The following CPS1 variants were observed in gnomAD, a reference collection of about 807,000 sequenced individuals.
The protein encoded by CPS1 is carbamoyl-phosphate synthase [ammonia], mitochondrial.
Under a neutral mutation model 174.6 loss-of-function variants are expected in CPS1, and 109 were observed. The ratio of observed to expected loss-of-function variants is 0.62; its 90% confidence interval spans 0.53 to 0.73. The LOEUF is 0.73. CPS1 is among the 30% of genes least tolerant of loss of function. The probability of loss-of-function intolerance (pLI) is 0.00; values close to 1 mark genes in which losing one functional copy is unlikely to be tolerated. For missense variants in CPS1, 1,689 were observed against 1,821.9 expected, an observed-to-expected ratio of 0.93 and a Z score of 1.33; for synonymous variants, 637 against 632.0, an observed-to-expected ratio of 1.01 and a Z score of -0.12.
intron 1 of CPS1, among the ~76,000 whole-genome samples, chr2:210,510,059 G>A (rs1307350285): frequency 5.9e-5 from 9 of 152,040 alleles, no homozygotes; most frequent in South Asian, 4.1e-4. Flanking sequence ...AAAAGAGCCC[G>A]CATCGCCAAG....
At chr2:210,482,412 C>A (rs1694595083) in intron 1 of CPS1, among the ~76,000 whole-genome samples, 1 of 151,942 alleles carries the variant, frequency 6.6e-6, no homozygotes. Context: ...CAGCAATTCT[C>A]CCACCGCAGC....
chr2:210,651,742 T>A (rs569570798), intron 28 of CPS1, among the ~76,000 whole-genome samples: 1 of 152,298 alleles, frequency 6.6e-6, no homozygotes, highest in South Asian at 2.1e-4. Context: ...ATGTTCCCTA[T>A]CAAACTACAG....
At chr2:210,608,098 T>C (rs1698984052) in intron 18 of CPS1, among the ~76,000 whole-genome samples, 1 of 151,914 alleles carries the variant, frequency 6.6e-6, no homozygotes, top group African/African-American at 2.4e-5. Context: ...GATTTTGGGT[T>C]GAAGAGGTGA....
intron 24 of CPS1, among the ~76,000 whole-genome samples, chr2:210,642,086 C>T (rs1163961437): frequency 6.6e-6 from 1 of 152,194 alleles, no homozygotes; most frequent in African/African-American, 2.4e-5. Context: ...GAAAAAAGAG[C>T]ACAGGTATCC....
chr2:210,601,412 G>A (rs1698722085), intron 15 of CPS1, among the ~76,000 whole-genome samples: 1 of 151,950 alleles, frequency 6.6e-6, no homozygotes, highest in African/African-American at 2.4e-5. Context: ...AGCAGGTACT[G>A]CTGGGACAAC....
intron 17 of CPS1, among the ~76,000 whole-genome samples, chr2:210,606,487 G>A (rs1000397257): frequency 6.6e-6 from 1 of 151,822 alleles, no homozygotes; most frequent in African/African-American, 2.4e-5. Flanking sequence ...GTAAGTAGAC[G>A]ATTGAAGCCT....
At chr2:210,556,551 G>A (rs1696918835), upstream of CPS1, 1 of 1,482,106 alleles carries the variant, frequency 6.7e-7, no homozygotes, top group African/African-American at 1.4e-5. Context: ...GTTAAGAGAA[G>A]GAGGAGCTGT....
At chr2:210,656,470 T>G (rs888013883) in intron 29 of CPS1, 55 bp from the exon 30 acceptor site, 5 of 1,310,548 alleles carry the variant, frequency 3.8e-6, no homozygotes, top group Non-Finnish European at 5.5e-6. Flanking sequence ...GTAGCTTCCT[T>G]GAAGGAAGTA....
intron 1 of CPS1, chr2:210,519,650 C>A: frequency 5.2e-6 from 3 of 572,584 alleles, no homozygotes; most frequent in Non-Finnish European, 6.6e-6. Flanking sequence ...AATTCCCAGC[C>A]TCGCTTGCAT....
At chr2:210,518,216 C>A (rs927446066) in intron 1 of CPS1, among the ~76,000 whole-genome samples, 27 of 151,940 alleles carry the variant, frequency 1.8e-4, no homozygotes, top group Admixed American at 5.3e-4. Flanking sequence ...TTGCAGTGAT[C>A]TCTATGATGA....
chr2:210,526,070 A>G (rs1335471445), intron 1 of CPS1, among the ~76,000 whole-genome samples: 3 of 152,058 alleles, frequency 2.0e-5, no homozygotes, highest in South Asian at 2.1e-4. Context: ...GGATGAGTTT[A>G]TGTCCTTTGC....
chr2:210,504,136 T>C (rs1383425779), intron 1 of CPS1, among the ~76,000 whole-genome samples: 1 of 152,174 alleles, frequency 6.6e-6, no homozygotes, highest in Non-Finnish European at 1.5e-5. Flanking sequence ...GTGCTTTCTT[T>C]TTCCCTGAGT....
chr2:210,573,559 C>T (rs1419965694), intron 2 of CPS1, 152 bp downstream of exon 2: 1 of 668,308 alleles, frequency 1.5e-6, no homozygotes, highest in Admixed American at 2.4e-5. Context: ...CCTACTGCTG[C>T]CGTCCTTGAA....
chr2:210,529,233 G>A (rs2247029), intron 1 of CPS1, among the ~76,000 whole-genome samples: 61,417 of 151,608 alleles, frequency 0.41, 12,637 homozygotes, highest in Middle Eastern at 0.52. Context: ...CTAAGGCTTA[G>A]CACTTAGTAG....
chr2:210,582,534 C>G (rs977609282), intron 5 of CPS1, 83 bp from the exon 6 acceptor site: 4 of 945,274 alleles, frequency 4.2e-6, no homozygotes, highest in Non-Finnish European at 7.0e-6. Context: ...CTTGCAGCAG[C>G]TGTTTAAAGT....
chr2:210,647,745 A>G (rs564538758), intron 25 of CPS1, 118 bp from the exon 26 acceptor site: 52 of 1,260,190 alleles, frequency 4.1e-5, no homozygotes, highest in Non-Finnish European at 5.2e-5. Flanking sequence ...GGTAGGAGAG[A>G]TGTAAATATC....
chr2:210,645,884 T>C (rs957177934), intron 25 of CPS1, among the ~76,000 whole-genome samples: 6 of 152,168 alleles, frequency 3.9e-5, no homozygotes, highest in African/African-American at 1.4e-4. Context: ...AAGGATAGTG[T>C]GAAAGTCAAA....
At chr2:210,647,228 A>G (rs1244876697) in intron 25 of CPS1, among the ~76,000 whole-genome samples, 1 of 152,182 alleles carries the variant, frequency 6.6e-6, no homozygotes, top group Non-Finnish European at 1.5e-5. Flanking sequence ...GAGAAGAGAA[A>G]GGAAACAACA....
At chr2:210,514,849 T>G (rs1574484445) in intron 1 of CPS1, among the ~76,000 whole-genome samples, 1 of 151,570 alleles carries the variant, frequency 6.6e-6, no homozygotes, top group African/African-American at 2.4e-5. Context: ...TGACTCTTCT[T>G]ATTTTCAGGT....
Sources: gnomAD v4.1 joint callset for allele counts (sites outside exome capture counted in the v4.1 genomes callset) on GRCh38, gnomAD v4.1.1 for gene constraint, MANE v1.5 for transcripts, NCBI Gene and HGNC (gene_info 2026-07-23, HGNC 2026-07-21) for gene names.